KIRREL3: variants seen among roughly 807,000 people sequenced by gnomAD.
KIRREL3 encodes the protein kirre like nephrin family adhesion molecule 3.
In KIRREL3, 36 loss-of-function variants were observed where a neutral mutation model predicts 89.7. The observed-to-expected ratio is 0.40, with a 90% CI of 0.31 to 0.53. The LOEUF (loss-of-function observed/expected upper bound fraction) is 0.53. Among genes scored for constraint, KIRREL3 ranks in the 20% least tolerant of loss-of-function variants. The pLI, the probability that KIRREL3 is intolerant of heterozygous loss-of-function variation, is 0.49. For synonymous variants in KIRREL3, 445 were observed against 441.4 expected, an observed-to-expected ratio of 1.01 and a Z score of -0.10; for missense variants, 864 against 1,056.6, an observed-to-expected ratio of 0.82 and a Z score of 2.53.
chr11:126,532,699 A>G (rs2134462267), intron 2 of KIRREL3, among the ~76,000 whole-genome samples: 1 of 152,202 alleles, frequency 6.6e-6, no homozygotes, highest in East Asian at 1.9e-4. Flanking sequence ...GGGAGGTAGA[A>G]GATCTTTAGA....
At chr11:126,925,462 C>CTT (rs369570093) in intron 1 of KIRREL3, among the ~76,000 whole-genome samples, 254 of 152,280 alleles carry the variant, frequency 1.7e-3, no homozygotes, top group African/African-American at 5.2e-3. Context: ...CTGAGGCCAG[C>CTT]TTGGGGGATT....
At position 126,620,616 on chromosome 11, in the gene KIRREL3, GC is replaced by G. The variant is rs1012401642; in HGVS notation, c.56-57705del. On this transcript the variant is annotated intron_variant, in intron 1 of 16. Transcript: ENST00000525144. The surrounding 1 kb of genome is among the most constrained non-coding windows in gnomAD (Gnocchi z 4.8). ...CAGAGCCTCCTCCTTGAGAACCACT[GC>G]CCTAGGAAGTTAAATCAAAGGATTT... Among the ~76,000 whole-genome samples, 43 of 152,216 alleles carry G rather than the reference GC, an allele frequency of 2.8e-4. No homozygotes were observed. The highest frequency in any genetic ancestry group is 8.9e-4 in the African/African-American group (37 of 41,542).
At chr11:126,722,793 C>T (rs1021458177) in intron 1 of KIRREL3, among the ~76,000 whole-genome samples, 7 of 152,216 alleles carry the variant, frequency 4.6e-5, no homozygotes, top group Admixed American at 1.3e-4. Flanking sequence ...CTGCATTCCC[C>T]GTTATCTGGG....
rs202124930 is a variant in KIRREL3, at chr11:126,643,019, T to C, written c.56-80107A>G. Among the ~76,000 whole-genome samples the C allele has an allele frequency of 1.6e-4, 17 of 106,372 alleles. No individual in the cohort carries two copies. Among genetic ancestry groups the C allele is most frequent in the East Asian group, 9.5e-4 (3 of 3,172 alleles). 69.8% of individuals were successfully genotyped at this position (106,372 alleles called of 152,430 possible). ...CCATCCATCCATCCATCCATCCATC[T>C]ATCCATCCATCCAATGCAAGGCATA... On this transcript the variant is annotated intron_variant, in intron 1 of 16. Coordinates refer to ENST00000525144, the MANE Select transcript of KIRREL3 (RefSeq NM_032531.4). The surrounding 1 kb of genome is among the most constrained non-coding windows in gnomAD (Gnocchi z 4.5).
At chr11:126,855,102 G>T (rs917048268) in intron 1 of KIRREL3, among the ~76,000 whole-genome samples, 7 of 152,166 alleles carry the variant, frequency 4.6e-5, no homozygotes, top group Non-Finnish European at 2.9e-5. Flanking sequence ...CATCATCACG[G>T]TGTTAGATTG....
intron 1 of KIRREL3, among the ~76,000 whole-genome samples, chr11:126,758,374 A>G (rs1435073603): frequency 6.6e-6 from 1 of 152,214 alleles, no homozygotes; most frequent in Non-Finnish European, 1.5e-5. Context: ...TAGTAGTACT[A>G]TTTTGAGGGG....
In KIRREL3 at chr11:126,830,964, T is replaced by C. The variant is rs1178309120; in HGVS notation, c.55+169491A>G. Among the ~76,000 whole-genome samples, 4 of 152,144 alleles carry C rather than the reference T, an allele frequency of 2.6e-5. No individual in the cohort carries two copies. Among genetic ancestry groups the C allele is most frequent in the African/African-American group, 9.7e-5 (4 of 41,432 alleles). ...AATAATACCACCCTGGGCATTACTA[T>C]CACCCAGATTTCACAGATGCTAAAC... On this transcript the variant is annotated intron_variant, in intron 1 of 16. Coordinates refer to ENST00000525144, the MANE Select transcript of KIRREL3 (RefSeq NM_032531.4). The surrounding 1 kb of genome is among the most constrained non-coding windows in gnomAD (Gnocchi z 4.9).
intron 1 of KIRREL3, among the ~76,000 whole-genome samples, chr11:126,911,549 C>A (rs1946814472): frequency 6.6e-6 from 1 of 152,138 alleles, no homozygotes; most frequent in Non-Finnish European, 1.5e-5. Flanking sequence ...CTGCTGTGCC[C>A]CTCCTCTCTC....
At chr11:126,828,173 A>G (rs1943480853) in intron 1 of KIRREL3, among the ~76,000 whole-genome samples, 1 of 152,180 alleles carries the variant, frequency 6.6e-6, no homozygotes, top group Non-Finnish European at 1.5e-5. Flanking sequence ...ATTCTTCATC[A>G]CCCATGCTGT....
chr11:126,764,284 A>C lies in KIRREL3; in HGVS notation c.56-201372T>G, dbSNP rs1471314841. Among the ~76,000 whole-genome samples, 1 of 152,108 alleles carries C rather than the reference A, an allele frequency of 6.6e-6. No individual in the cohort carries two copies. The highest frequency in any genetic ancestry group is 2.4e-5 in the African/African-American group (1 of 41,410). On this transcript the variant is annotated intron_variant, in intron 1 of 16. Coordinates refer to ENST00000525144, the MANE Select transcript of KIRREL3 (RefSeq NM_032531.4). The surrounding 1 kb of genome is among the most constrained non-coding windows in gnomAD (Gnocchi z 4.2). ...GCACCCACTGTCTTGGCAAATGTCC[A>C]TTCTGTCAGGCGCCCTGCCTCTTGC...
At chr11:126,869,646 C>T (rs1229369473) in intron 1 of KIRREL3, among the ~76,000 whole-genome samples, 1 of 152,174 alleles carries the variant, frequency 6.6e-6, no homozygotes, top group Non-Finnish European at 1.5e-5. Context: ...AGGGAGCTGG[C>T]TGCATCCGCC....
In KIRREL3 at chr11:126,431,417, A is replaced by G. The variant is rs1264739873; in HGVS notation, c.1696+2T>C. ...CTGAGATCCCGGATCTCCCTCCCGT[A>G]CTTCTCTGGGAACGGGCACAGCAGA... On this transcript the variant is annotated splice_donor_variant, in intron 14 of 16. Transcript: ENST00000525144. LOFTEE classifies it high-confidence loss of function. The surrounding 1 kb of genome is among the most constrained non-coding windows in gnomAD (Gnocchi z 7.1). 1 of 1,613,692 alleles carries G rather than the reference A, an allele frequency of 6.2e-7. No homozygotes were observed. Among genetic ancestry groups the G allele is most frequent in the Non-Finnish European group, 8.5e-7 (1 of 1,179,872 alleles).
intron 1 of KIRREL3, chr11:126,944,828 T>G (rs1310508870): frequency 6.6e-6 from 1 of 152,220 alleles, no homozygotes; most frequent in Non-Finnish European, 1.5e-5. Flanking sequence ...TGCATTAGCT[T>G]TCATTTGGGT....
In KIRREL3 at chr11:126,557,581, A is replaced by T. The variant is rs1305674565; in HGVS notation, c.133+5254T>A. 6.6e-6 allele frequency among the ~76,000 whole-genome samples: 1 copy of T among 152,172 alleles called. No homozygotes were observed. Among genetic ancestry groups the T allele is most frequent in the African/African-American group, 2.4e-5 (1 of 41,442 alleles). Reference sequence around the variant, plus strand: ...CTCTTAAGTGCTCCTCCCACTACACATCCCAGCTGTGGGGCACCTCTCTTT... The same window carrying T: ...CTCTTAAGTGCTCCTCCCACTACACTTCCCAGCTGTGGGGCACCTCTCTTT... On this transcript the variant is annotated intron_variant, in intron 2 of 16. Transcript: ENST00000525144. The surrounding 1 kb of genome is among the most constrained non-coding windows in gnomAD (Gnocchi z 5.6).
chr11:126,697,233 G>T lies in KIRREL3; in HGVS notation c.56-134321C>A, dbSNP rs1947135017. On this transcript the variant is annotated intron_variant, in intron 1 of 16. Coordinates refer to ENST00000525144, the MANE Select transcript of KIRREL3 (RefSeq NM_032531.4). This position sits in a 1 kb window ranked among gnomAD's most constrained non-coding sequence, Gnocchi z 4.2. ...TGTAATTGTTTATGTGCTTGTTTAT[G>T]CGGGAGATGACAGGACTACAAGAAG... is the stretch of plus-strand genomic sequence containing the variant. 6.6e-6 allele frequency among the ~76,000 whole-genome samples: 1 copy of T among 152,170 alleles called. No homozygotes were observed. Among genetic ancestry groups the T allele is most frequent in the Non-Finnish European group, 1.5e-5 (1 of 68,044 alleles).
intron 1 of KIRREL3, among the ~76,000 whole-genome samples, chr11:126,588,588 T>C (rs925558444): frequency 6.6e-6 from 1 of 152,176 alleles, no homozygotes; most frequent in African/African-American, 2.4e-5. Flanking sequence ...GCACGCGCCC[T>C]GGGCACTCCA....
chr11:126,855,264 C>T (rs1284531451), intron 1 of KIRREL3, among the ~76,000 whole-genome samples: 3 of 152,214 alleles, frequency 2.0e-5, no homozygotes, highest in Non-Finnish European at 2.9e-5. Flanking sequence ...CAGATTCGCC[C>T]TTGCGTTCTT....
chr11:126,916,069 C>T (rs956980562), intron 1 of KIRREL3, among the ~76,000 whole-genome samples: 5 of 152,158 alleles, frequency 3.3e-5, no homozygotes, highest in Non-Finnish European at 5.9e-5. Context: ...AAAACATATA[C>T]AGCCTTTCAC....
chr11:127,001,318 G>C (rs1313061591), upstream of KIRREL3, among the ~76,000 whole-genome samples: 6 of 136,594 alleles, frequency 4.4e-5, no homozygotes, highest in South Asian at 2.9e-4. Context: ...TTGTGGTGGG[G>C]GGGGGGGGTA....
Sources: gnomAD v4.1 joint callset for allele counts (sites outside exome capture counted in the v4.1 genomes callset) on GRCh38, gnomAD v4.1.1 for gene constraint, Gnocchi (gnomAD v3.1) non-coding constraint, MANE v1.5 for transcripts, NCBI Gene and HGNC (gene_info 2026-07-23, HGNC 2026-07-21) for gene names.